S100Z: variants seen among roughly 807,000 people sequenced by gnomAD.
The protein encoded by S100Z is S100 calcium binding protein Z, also known as protein S100-Z.
Under a neutral mutation model 8.5 loss-of-function variants are expected in S100Z, and 11 were observed. The ratio of observed to expected loss-of-function variants is 1.30; its 90% CI spans 0.82 to 2.15. The LOEUF (loss-of-function observed/expected upper bound fraction) is 2.15, where lower values mean the gene tolerates loss of function less well. Among genes scored for constraint, S100Z ranks in the 30% most tolerant of loss-of-function variants. The pLI, the probability that S100Z is intolerant of heterozygous loss-of-function variation, is 0.00. For synonymous variants in S100Z, 34 were observed against 43.8 expected (o/e 0.78, Z 0.89); for missense variants, 126 against 117.9 (o/e 1.07, Z -0.32).
chr5:76,870,131 G>A (rs1004612829), intron 1 of S100Z, 35 bp from the exon 2 acceptor site: 24 of 152,168 alleles, frequency 1.6e-4, no homozygotes, highest in Middle Eastern at 3.4e-3. Context: ...AGTAGAAAAC[G>A]TAAAAAGACG....
intron 1 of S100Z, among the ~76,000 whole-genome samples, chr5:76,851,211 G>A (rs1307480566): frequency 6.6e-6 from 1 of 152,228 alleles, no homozygotes; most frequent in African/African-American, 2.4e-5. Flanking sequence ...GGGCAGCACA[G>A]TGGCAGTGCC....
Position 76,881,438 on chromosome 5 carries a change from G to T in S100Z, c.*2+3604G>T, listed in dbSNP as rs868498024. Among the ~76,000 whole-genome samples, 8 of 152,240 alleles carry T rather than the reference G, an allele frequency of 5.3e-5. No individual in the cohort carries two copies. The South Asian group carries it at 6.2e-4, about 12-fold the overall frequency. ...TAAAGTCAATTTGCCAGTCCTGGGC[G>T]GGGGCAAATCCCCGAGCTTGATGTG... On this transcript the variant is annotated intron_variant, in intron 4 of 4. Coordinates refer to ENST00000317593, the MANE Select transcript of S100Z (RefSeq NM_130772.4).
chr5:76,904,464 A>AT (rs1744354004), intron 4 of S100Z, among the ~76,000 whole-genome samples: 2 of 152,140 alleles, frequency 1.3e-5, no homozygotes, highest in Non-Finnish European at 2.9e-5. Flanking sequence ...TATTTTTAGT[A>AT]GAGATGGGGT....
At chr5:76,935,996 T>C in the S100Z span, among the ~76,000 whole-genome samples, 15,579 of 152,162 alleles carry the variant, frequency 0.1, 949 homozygotes, top group African/African-American at 0.17. Flanking sequence ...AGGATGGTCT[T>C]GAACTCCTGA....
At chr5:76,924,853 C>T (rs1009533534), downstream of S100Z, among the ~76,000 whole-genome samples, 2 of 151,450 alleles carry the variant, frequency 1.3e-5, no homozygotes, top group Non-Finnish European at 1.5e-5. Context: ...GTGGAGATTG[C>T]GGTGAGCCAA....
the S100Z span, among the ~76,000 whole-genome samples, chr5:76,949,463 C>T: frequency 2.6e-5 from 4 of 152,206 alleles, no homozygotes; most frequent in African/African-American, 7.2e-5. Context: ...CCCACTTCTG[C>T]GTATTTTTCC....
At chr5:76,934,407 T>C in the S100Z span, among the ~76,000 whole-genome samples, 6 of 152,224 alleles carry the variant, frequency 3.9e-5, no homozygotes, top group Admixed American at 6.5e-5. Context: ...AATGAAGACA[T>C]AGTTACAAAC....
chr5:76,949,402 T>C, the S100Z span, among the ~76,000 whole-genome samples: 1 of 151,776 alleles, frequency 6.6e-6, no homozygotes. Flanking sequence ...AAAAAAATAA[T>C]GAAAAAATAA....
At chr5:76,919,987 C>T (rs560577017) in intron 4 of S100Z, among the ~76,000 whole-genome samples, 112 of 150,998 alleles carry the variant, frequency 7.4e-4, no homozygotes, top group Middle Eastern at 6.8e-3. Flanking sequence ...TGGCTCACTG[C>T]AACCTCCGCC....
downstream of S100Z, among the ~76,000 whole-genome samples, chr5:76,926,636 G>T (rs1580075886): frequency 6.6e-6 from 1 of 152,152 alleles, no homozygotes; most frequent in East Asian, 1.9e-4. Context: ...TGAGAGAAAG[G>T]CTAAATGCCC....
chr5:76,882,540 A>G (rs181169741), intron 4 of S100Z, among the ~76,000 whole-genome samples: 102 of 152,294 alleles, frequency 6.7e-4, no homozygotes, highest in African/African-American at 2.4e-3. Context: ...TAGGATGGCA[A>G]AACCAGTATC....
intron 4 of S100Z, among the ~76,000 whole-genome samples, chr5:76,890,229 G>A (rs1561239086): frequency 3.3e-5 from 5 of 152,250 alleles, no homozygotes; most frequent in South Asian, 2.1e-4. Flanking sequence ...TCACCATGTT[G>A]GCCAGGCTGG....
At chr5:76,941,918 ATTTAT>A in the S100Z span, among the ~76,000 whole-genome samples, 5,520 of 152,154 alleles carry the variant, frequency 0.036, 303 homozygotes, top group African/African-American at 0.12. Flanking sequence ...ATTTGTAGAA[ATTTAT>A]TTTATTCACT....
chr5:76,894,709 C>G (rs1309187035), intron 4 of S100Z, among the ~76,000 whole-genome samples: 2 of 151,562 alleles, frequency 1.3e-5, no homozygotes, highest in Non-Finnish European at 1.5e-5. Flanking sequence ...GATTCTCCTG[C>G]CTCAGCCTCC....
downstream of S100Z, among the ~76,000 whole-genome samples, chr5:76,924,544 G>A (rs1411925416): frequency 6.6e-6 from 1 of 152,112 alleles, no homozygotes; most frequent in Non-Finnish European, 1.5e-5. Flanking sequence ...CTGGATTAGA[G>A]GAATAAGGGC....
intron 4 of S100Z, among the ~76,000 whole-genome samples, chr5:76,912,091 G>T (rs202209948): frequency 6.6e-6 from 1 of 151,484 alleles, no homozygotes; most frequent in African/African-American, 2.4e-5. Flanking sequence ...TGCGGCGTTG[G>T]CTTAGTGTCA....
downstream of S100Z, among the ~76,000 whole-genome samples, chr5:76,926,436 T>C (rs73122084): frequency 0.033 from 4,964 of 152,160 alleles, 283 homozygotes; most frequent in African/African-American, 0.11. Flanking sequence ...AAGATGAAAG[T>C]GGCAGTTCAG....
At chr5:76,902,188 G>A (rs965921713) in intron 4 of S100Z, among the ~76,000 whole-genome samples, 3 of 152,140 alleles carry the variant, frequency 2.0e-5, no homozygotes, top group Non-Finnish European at 4.4e-5. Flanking sequence ...TAGGAAAGGG[G>A]TGATGCCAGC....
intron 4 of S100Z, among the ~76,000 whole-genome samples, chr5:76,914,318 A>T (rs1479801659): frequency 6.6e-6 from 1 of 151,986 alleles, no homozygotes; most frequent in Non-Finnish European, 1.5e-5. Flanking sequence ...TTTTCTGTCT[A>T]GCTAAAGGAT....
Sources: gnomAD v4.1 joint callset for allele counts (sites outside exome capture counted in the v4.1 genomes callset) on GRCh38, gnomAD v4.1.1 for gene constraint, MANE v1.5 for transcripts, NCBI Gene and HGNC (gene_info 2026-07-23, HGNC 2026-07-21) for gene names.